The following CSMD3 variants were observed in gnomAD, a reference collection of about 807,000 sequenced individuals.
CSMD3 encodes CUB and sushi domain-containing protein 3.
A neutral mutation model predicts 435.2 loss-of-function variants in CSMD3; 177 were observed. That is an observed-to-expected ratio of 0.41 (90% CI 0.36 to 0.46). CSMD3 has a LOEUF of 0.46. Ranked by LOEUF, CSMD3 falls within the 20% of genes least tolerant of loss-of-function variation. The pLI is 0.34. For missense variants in CSMD3, 4,265 were observed against 4,504.6 expected, an observed-to-expected ratio of 0.95 and a Z score of 1.52; for synonymous variants, 1,656 against 1,520.5, an observed-to-expected ratio of 1.09 and a Z score of -2.07.
intron 5 of CSMD3, among the ~76,000 whole-genome samples, chr8:113,097,446 C>T (rs1403481926): frequency 6.6e-6 from 1 of 151,940 alleles, no homozygotes. Flanking sequence ...ATGACTCCTT[C>T]GGTTTTCTTT....
intron 1 of CSMD3, among the ~76,000 whole-genome samples, chr8:113,405,460 A>C (rs1440816140): frequency 6.6e-6 from 1 of 151,668 alleles, no homozygotes; most frequent in Non-Finnish European, 1.5e-5. Flanking sequence ...TGTCATTTTC[A>C]TTCATTGTAA....
At chr8:112,267,058 A>G (rs1451375536) in intron 59 of CSMD3, among the ~76,000 whole-genome samples, 1 of 151,896 alleles carries the variant, frequency 6.6e-6, no homozygotes, top group Non-Finnish European at 1.5e-5. Flanking sequence ...ACTTTTCCCA[A>G]TATTTTGGAG....
intron 59 of CSMD3, among the ~76,000 whole-genome samples, chr8:112,275,988 C>T (rs1818000962): frequency 6.6e-6 from 1 of 152,172 alleles, no homozygotes; most frequent in Non-Finnish European, 1.5e-5. Flanking sequence ...AGTCCCAAAC[C>T]TCATCTGACA....
At chr8:112,791,174 T>C (rs1172342293) in intron 13 of CSMD3, among the ~76,000 whole-genome samples, 1 of 151,810 alleles carries the variant, frequency 6.6e-6, no homozygotes, top group Non-Finnish European at 1.5e-5. Flanking sequence ...AATACAAAAA[T>C]TAGCCATGCA....
At chr8:112,503,645 C>T (rs958850749) in intron 30 of CSMD3, 145 bp downstream of exon 30, 11 of 529,446 alleles carry the variant, frequency 2.1e-5, no homozygotes, top group African/African-American at 5.9e-5. Flanking sequence ...ACAGTGAGAA[C>T]GCTTTTATGA....
chr8:112,831,072 C>G (rs982011098), intron 11 of CSMD3, among the ~76,000 whole-genome samples: 2 of 152,230 alleles, frequency 1.3e-5, no homozygotes, highest in Admixed American at 6.5e-5. Context: ...CAGGCGTGAG[C>G]CACTGGACCT....
At chr8:112,396,773 T>C (rs1830893005) in intron 35 of CSMD3, among the ~76,000 whole-genome samples, 1 of 152,180 alleles carries the variant, frequency 6.6e-6, no homozygotes, top group Non-Finnish European at 1.5e-5. Context: ...AGAAATGTTT[T>C]ACAACCAAAA....
chr8:112,344,532 C>T (rs1341282029), intron 41 of CSMD3, among the ~76,000 whole-genome samples: 1 of 152,086 alleles, frequency 6.6e-6, no homozygotes, highest in Non-Finnish European at 1.5e-5. Flanking sequence ...TAGTGAGATA[C>T]CCAAGTTCAG....
At chr8:112,772,044 CAA>C (rs1237503050) in intron 13 of CSMD3, among the ~76,000 whole-genome samples, 1 of 151,270 alleles carries the variant, frequency 6.6e-6, no homozygotes, top group Non-Finnish European at 1.5e-5. Flanking sequence ...TTTAATGAAA[CAA>C]AAAATGAATT....
chr8:112,865,249 C>T (rs892551173), intron 10 of CSMD3, among the ~76,000 whole-genome samples: 1 of 152,178 alleles, frequency 6.6e-6, no homozygotes, highest in Non-Finnish European at 1.5e-5. Flanking sequence ...TTCAACTACA[C>T]AAGTAAGACA....
At chr8:113,378,060 G>A (rs973417100) in intron 1 of CSMD3, among the ~76,000 whole-genome samples, 1 of 151,878 alleles carries the variant, frequency 6.6e-6, no homozygotes, top group African/African-American at 2.4e-5. Context: ...GATTTTTCTG[G>A]CTTCTCCAAA....
intron 1 of CSMD3, among the ~76,000 whole-genome samples, chr8:113,315,731 T>A (rs958969): frequency 0.022 from 3,167 of 140,978 alleles, 123 homozygotes; most frequent in African/African-American, 0.076. Flanking sequence ...AAATATATAT[T>A]TTTTTGAGAC....
At chr8:112,356,129 T>G (rs1243214443) in intron 38 of CSMD3, among the ~76,000 whole-genome samples, 1 of 152,120 alleles carries the variant, frequency 6.6e-6, no homozygotes, top group East Asian at 1.9e-4. Context: ...GTTTGGAGAT[T>G]TCTCAAGGAA....
At chr8:113,052,940 T>C (rs551111174) in intron 5 of CSMD3, among the ~76,000 whole-genome samples, 124 of 152,338 alleles carry the variant, frequency 8.1e-4, no homozygotes, top group African/African-American at 2.8e-3. Flanking sequence ...CAGGAATCAA[T>C]TGAATGACTT....
chr8:112,790,340 G>A (rs919878709), intron 13 of CSMD3, among the ~76,000 whole-genome samples: 1 of 151,010 alleles, frequency 6.6e-6, no homozygotes, highest in Non-Finnish European at 1.5e-5. Context: ...ATTAAGTTTT[G>A]GAAAATAGCA....
intron 1 of CSMD3, among the ~76,000 whole-genome samples, chr8:113,395,368 G>A (rs960609196): frequency 6.6e-6 from 1 of 152,136 alleles, no homozygotes; most frequent in East Asian, 1.9e-4. Flanking sequence ...AGCACTTTGG[G>A]AGGCTGAGGC....
chr8:113,266,739 AT>A (rs1416478589), intron 3 of CSMD3, among the ~76,000 whole-genome samples: 1 of 151,610 alleles, frequency 6.6e-6, no homozygotes, highest in Non-Finnish European at 1.5e-5. Context: ...AAATGTGAGC[AT>A]TTTTTCTATA....
chr8:113,075,333 G>T (rs192732347), intron 5 of CSMD3, among the ~76,000 whole-genome samples: 1,547 of 151,714 alleles, frequency 0.01, 20 homozygotes, highest in Non-Finnish European at 0.012. Flanking sequence ...TCATTTATTT[G>T]GGGGGAAAGC....
At chr8:112,824,032 T>C (rs231295) in intron 12 of CSMD3, among the ~76,000 whole-genome samples, 34,849 of 152,148 alleles carry the variant, frequency 0.23, 4,850 homozygotes, top group Non-Finnish European at 0.32. Context: ...ATATTTAGGA[T>C]AGTTAGCTCC....
Sources: allele counts gnomAD v4.1 joint callset (sites outside exome capture counted in the v4.1 genomes callset), GRCh38; gene constraint gnomAD v4.1.1; transcripts MANE v1.5; gene names NCBI Gene and HGNC (gene_info 2026-07-23, HGNC 2026-07-21).